Variants in CARS1 observed in about 807,000 individuals in gnomAD.
CARS1 encodes the protein cysteine--tRNA ligase, cytoplasmic.
In CARS1, 48 loss-of-function variants were observed where a neutral mutation model predicts 106.2. That is an observed-to-expected ratio of 0.45 (90% CI 0.36 to 0.57). The LOEUF (loss-of-function observed/expected upper bound fraction) is 0.57. Among genes scored for constraint, CARS1 ranks in the 20% least tolerant of loss-of-function variants. CARS1 has a pLI of 0.00. For synonymous variants in CARS1, 409 were observed against 403.4 expected (o/e 1.01, Z -0.17); for missense variants, 968 against 1,057.2 (o/e 0.92, Z 1.17).
At chr11:3,026,288 G>C (rs1187211056) in intron 10 of CARS1, among the ~76,000 whole-genome samples, 1 of 152,024 alleles carries the variant, frequency 6.6e-6, no homozygotes, top group Non-Finnish European at 1.5e-5. Flanking sequence ...AGCACAGTAG[G>C]GTGACTATAG....
At chr11:3,006,724 G>A (rs904974282) in intron 19 of CARS1, among the ~76,000 whole-genome samples, 155 bp downstream of exon 19, 5 of 152,232 alleles carry the variant, frequency 3.3e-5, no homozygotes, top group Admixed American at 1.3e-4. Context: ...GCTGGCCAGC[G>A]TGGGAATGGC....
Position 3,040,551 on chromosome 11 carries a change from G to C in CARS1, c.455+345C>G. Reference sequence around the variant, plus strand: ...CAGGCCTGTCAGGTCTGAGTGTCACGGGAACTCAGCATCTGGGGACCCCAC... The same window carrying C: ...CAGGCCTGTCAGGTCTGAGTGTCACCGGAACTCAGCATCTGGGGACCCCAC... On this transcript the variant is annotated intron_variant, in intron 4 of 22. Transcript: ENST00000380525. The surrounding 1 kb of genome is among the most constrained non-coding windows in gnomAD (Gnocchi z 5.8). The C allele has an allele frequency of 2.0e-6, 1 of 500,420 alleles. No individual in the cohort carries two copies. The highest frequency in any genetic ancestry group is 3.9e-6 in the Non-Finnish European group (1 of 256,458). 31.0% of individuals were successfully genotyped at this position (500,420 alleles called of 1,614,324 possible).
rs1182183652 is a variant in CARS1 at position 3,040,965 on chromosome 11, T to C, written c.386A>G (p.Asp129Gly). The change falls in exon 4 of 23, where the codon GAT (aspartate) becomes GGT (glycine). Residue 129 changes from aspartate to glycine, a missense_variant. Physicochemically the swap from Asp to Gly is moderately conservative, Grantham distance 94 (BLOSUM62 -1). Transcript: ENST00000380525. This position sits in a 1 kb window ranked among gnomAD's most constrained non-coding sequence, Gnocchi z 5.8. ...GCAATACCACGTCACCTTTTTCCCA[T>C]CTTGAGGTATGAACACTTCCTTTGT... Reference protein sequence around the residue: ...TRNKEVFIPQDGKKVTWYCCG... With the variant: ...TRNKEVFIPQGGKKVTWYCCG... 1 of 1,614,042 alleles carries C rather than the reference T, an allele frequency of 6.2e-7. No individual in the cohort carries two copies. The highest frequency in any genetic ancestry group is 8.5e-7 in the Non-Finnish European group (1 of 1,180,012).
Position 3,004,443 on chromosome 11 carries a change from A to T in CARS1, c.2217+923T>A, listed in dbSNP as rs1590311325. Among the ~76,000 whole-genome samples the T allele has an allele frequency of 6.6e-6, 1 of 152,070 alleles. No individual in the cohort carries two copies. The highest frequency in any genetic ancestry group is 1.9e-4 in the East Asian group (1 of 5,172). On this transcript the variant is annotated intron_variant, in intron 20 of 22. Transcript: ENST00000380525. This position sits in a 1 kb window ranked among gnomAD's most constrained non-coding sequence, Gnocchi z 5.2. Reference sequence around the variant, plus strand: ...ATTCTCCTTCCTCAGTTCCTCCCAGAGCCTCCTTCCTGAGAGCTGTGGCAT... The same window carrying T: ...ATTCTCCTTCCTCAGTTCCTCCCAGTGCCTCCTTCCTGAGAGCTGTGGCAT...
chr11:3,005,527 T>C, intron 19 of CARS1, 94 bp from the exon 20 acceptor site: 1 of 915,990 alleles, frequency 1.1e-6, no homozygotes, highest in East Asian at 2.5e-5. Flanking sequence ...GCCCAGACCA[T>C]GCGGTGCTGC....
chr11:3,041,088 T>C lies in CARS1; in HGVS notation c.367-104A>G. On this transcript the variant is annotated intron_variant, in intron 3 of 22. Coordinates refer to ENST00000380525, the MANE Select transcript of CARS1 (RefSeq NM_001014437.3). This position sits in a 1 kb window ranked among gnomAD's most constrained non-coding sequence, Gnocchi z 4.9. ...ATCACAGTGTGGTTTGTGTTTAGTG[T>C]AAACAATTCAACAGAGACCATTTTG... The C allele has an allele frequency of 6.3e-7, 1 of 1,580,118 alleles. No individual in the cohort carries two copies. Among genetic ancestry groups the C allele is most frequent in the South Asian group, 1.1e-5 (1 of 87,738 alleles).
chr11:3,029,505 G>T lies in CARS1; in HGVS notation c.802-62C>A, dbSNP rs1852487874. On this transcript the variant is annotated intron_variant, in intron 7 of 22. Transcript: ENST00000380525. The surrounding 1 kb of genome is among the most constrained non-coding windows in gnomAD (Gnocchi z 5.9). ...CACACTTCACATGAGAACATCTCGT[G>T]CAGCTGGTGTGAGCCCATCAGTGCC... 5.7e-6 allele frequency: 9 copies of T among 1,580,518 alleles called. No individual in the cohort carries two copies. The highest frequency in any genetic ancestry group is 6.9e-6 in the Non-Finnish European group (8 of 1,161,138).
In CARS1 at chr11:3,004,552, T is replaced by A. The variant is rs530472129; in HGVS notation, c.2217+814A>T. 2.8e-4 allele frequency among the ~76,000 whole-genome samples: 42 copies of A among 152,290 alleles called. 2 individuals carry two copies. The highest frequency in any genetic ancestry group is 1.9e-3 in the East Asian group (10 of 5,174). ...GTGGCAACAGCCCCCATGGCCCACC[T>A]CCCATGGTGTGCACTGGGGGCCCAG... On this transcript the variant is annotated intron_variant, in intron 20 of 22. Coordinates refer to ENST00000380525, the MANE Select transcript of CARS1 (RefSeq NM_001014437.3). This position sits in a 1 kb window ranked among gnomAD's most constrained non-coding sequence, Gnocchi z 5.2.
At chr11:3,027,740 C>T (rs1299381087) in intron 9 of CARS1, 5 of 430,494 alleles carry the variant, frequency 1.2e-5, no homozygotes, top group South Asian at 4.9e-5. Context: ...TGCCCGGACA[C>T]GGCCACCAGA....
intron 19 of CARS1, 140 bp downstream of exon 19, chr11:3,006,739 G>A: frequency 6.6e-6 from 5 of 756,866 alleles, no homozygotes; most frequent in Middle Eastern, 4.7e-4. Flanking sequence ...AATGGCGCCG[G>A]GGGACCCATG....
rs565270100 is a variant in CARS1 at position 3,008,735 on chromosome 11, G to A, written c.2069-1776C>T. 4 of 152,292 alleles carry A rather than the reference G, an allele frequency of 2.6e-5. No individual in the cohort carries two copies. Among genetic ancestry groups the A allele is most frequent in the East Asian group, 3.9e-4 (2 of 5,178 alleles). The allele number at this position is 152,292 out of a possible 1,614,324, so 9.4% of individuals were successfully genotyped here. A position where few individuals can be genotyped will look rare whatever the true frequency, so the allele number is the denominator to read the frequency against. ...CCAGGCAGAGACCTAGGGGAACAAT[G>A]GCCTTTATATTTGTCTGCAGTATCA... On this transcript the variant is annotated intron_variant, in intron 18 of 22. Coordinates refer to ENST00000380525, the MANE Select transcript of CARS1 (RefSeq NM_001014437.3). The surrounding 1 kb of genome is among the most constrained non-coding windows in gnomAD (Gnocchi z 5.1).
At position 3,034,644 on chromosome 11, in the gene CARS1, C is replaced by T. The variant is rs960398267; in HGVS notation, c.801+3406G>A. 6.6e-5 allele frequency among the ~76,000 whole-genome samples: 10 copies of T among 152,186 alleles called. No individual in the cohort carries two copies. Among genetic ancestry groups the T allele is most frequent in the African/African-American group, 2.4e-4 (10 of 41,446 alleles). ...TCCCTGGTTCAAGGGATTCTCCCACCTCAGCCTCCCAAGTAGCTGGGATTA... is the reference window on the plus strand; with the variant it reads ...TCCCTGGTTCAAGGGATTCTCCCACTTCAGCCTCCCAAGTAGCTGGGATTA... On this transcript the variant is annotated intron_variant, in intron 7 of 22. Transcript: ENST00000380525. The surrounding 1 kb of genome is among the most constrained non-coding windows in gnomAD (Gnocchi z 6.3).
At position 3,047,803 on chromosome 11, in the gene CARS1, G is replaced by A. The variant is rs1399489232; in HGVS notation, c.224C>T (p.Ala75Val). ...HVARWFRHIE[A>V]LLGSPCGKGQ... is the part of the protein sequence containing the mutation. The stretch of plus-strand genomic sequence containing the variant: ...TTTGCCACAGGGGCTACCCAGGAGC[G>A]CTTCTATGTGCCTGAACCACCGAGC... The change falls in exon 2 of 23, where the codon GCG becomes GTG. Residue 75 changes from alanine to valine, a missense_variant. By Grantham distance (64) the Ala-to-Val change is moderately conservative (BLOSUM62 0). Coordinates refer to ENST00000380525, the MANE Select transcript of CARS1 (RefSeq NM_001014437.3). The A allele has an allele frequency of 5.0e-6, 8 of 1,613,942 alleles. No individual in the cohort carries two copies. The highest frequency in any genetic ancestry group is 2.2e-5 in the South Asian group (2 of 91,080).
At chr11:3,015,734 G>A (rs763534078) in intron 17 of CARS1, 47 bp downstream of exon 17, 9 of 1,519,026 alleles carry the variant, frequency 5.9e-6, no homozygotes, top group Non-Finnish European at 3.7e-6. Flanking sequence ...GGGGTAGGGA[G>A]TGGGGAGGGA....
In CARS1 at chr11:3,039,121, G is replaced by T; in HGVS notation, c.651+73C>A. 1.1e-6 allele frequency: 1 copy of T among 931,930 alleles called. No homozygotes were observed. Among genetic ancestry groups the T allele is most frequent in the Non-Finnish European group, 1.7e-6 (1 of 572,044 alleles). 57.7% of individuals were successfully genotyped at this position (931,930 alleles called of 1,614,324 possible). A position where few individuals can be genotyped will look rare whatever the true frequency, so the allele number is the denominator to read the frequency against. ...CCTGTGAGACTGACACTACCCTAGG[G>T]ACAGTAGCCTACAAAGGACCGAGAA... On this transcript the variant is annotated intron_variant, in intron 6 of 22. Transcript: ENST00000380525. This position sits in a 1 kb window ranked among gnomAD's most constrained non-coding sequence, Gnocchi z 5.6.
intron 16 of CARS1, among the ~76,000 whole-genome samples, chr11:3,016,439 G>A (rs1184040109): frequency 6.6e-6 from 1 of 151,864 alleles, no homozygotes; most frequent in Non-Finnish European, 1.5e-5. Flanking sequence ...TAGTCAGGAT[G>A]GTCTCCATCT....
intron 21 of CARS1, 106 bp from the exon 22 acceptor site, chr11:3,002,159 C>A: frequency 1.3e-6 from 1 of 799,676 alleles, no homozygotes; most frequent in Non-Finnish European, 2.2e-6. Flanking sequence ...GCTTCCAAGC[C>A]CTCAGATTCA....
rs186292190 is a variant in CARS1, at chr11:3,047,878, G to C, written c.149C>G (p.Ala50Gly). 6.2e-7 allele frequency: 1 copy of C among 1,614,106 alleles called. No individual in the cohort carries two copies. Among genetic ancestry groups the C allele is most frequent in the Admixed American group, 1.7e-5 (1 of 60,014 alleles). Residue 50 changes from alanine (A) to glycine (G), a missense_variant, in exon 2 of 23, where the codon GCG becomes GGG. Transcript: ENST00000380525. ...GGGCGGGGCCGAGAGCTGCCTGAAC[G>C]CGTCCACGTCTGCCTGGGACAGTGA... ...GYSLSQADVD[A>G]FRQLSAPPAD...
rs1855100443 is a variant in CARS1 at position 3,046,533 on chromosome 11, A to G, written c.274+1220T>C. 6.6e-6 allele frequency among the ~76,000 whole-genome samples: 1 copy of G among 152,178 alleles called. No homozygotes were observed. Among genetic ancestry groups the G allele is most frequent in the Admixed American group, 6.5e-5 (1 of 15,272 alleles). On this transcript the variant is annotated intron_variant, in intron 2 of 22. Coordinates refer to ENST00000380525, the MANE Select transcript of CARS1 (RefSeq NM_001014437.3). The surrounding 1 kb of genome is among the most constrained non-coding windows in gnomAD (Gnocchi z 5.8). ...ACGCTGGGGAAGGAGTGTCTGCTGC[A>G]GAGTTATCCAGAAAACACGACCCAC...
Sources: allele counts gnomAD v4.1 joint callset (sites outside exome capture counted in the v4.1 genomes callset), GRCh38; gene constraint gnomAD v4.1.1; non-coding constraint Gnocchi (gnomAD v3.1); transcripts MANE v1.5; gene names NCBI Gene and HGNC (gene_info 2026-07-23, HGNC 2026-07-21).